The following CELSR3 variants were observed in gnomAD, a reference collection of about 807,000 sequenced individuals.
The protein encoded by CELSR3 is EGF-like protein 1.
In CELSR3, 73 loss-of-function variants were observed where a neutral mutation model predicts 270.0. The observed-to-expected ratio is 0.27, with a 90% confidence interval of 0.22 to 0.33. The LOEUF (loss-of-function observed/expected upper bound fraction) is 0.33, where lower values mean the gene tolerates loss of function less well. CELSR3 is among the 10% of genes least tolerant of loss of function. The pLI, the probability that CELSR3 is intolerant of heterozygous loss-of-function variation, is 1.00. For missense variants in CELSR3, 3,614 were observed against 4,533.8 expected (o/e 0.80, Z 5.83); for synonymous variants, 1,780 against 1,905.4 (o/e 0.93, Z 1.71).
At position 48,639,553 on chromosome 3, in the gene CELSR3, T is replaced by C. The variant is rs2047002744; in HGVS notation, c.9911+121A>G. The C allele has an allele frequency of 7.4e-7, 1 of 1,355,838 alleles. No homozygotes were observed. Among genetic ancestry groups the C allele is most frequent in the Non-Finnish European group, 1.0e-6 (1 of 989,856 alleles). 84.0% of individuals were successfully genotyped at this position (1,355,838 alleles called of 1,614,324 possible). ...TGTGGCCCTCTGGCTGTGCTGAGCC[T>C]GGGGTAGCCCACACCTGTCTGCCAG... On this transcript the variant is annotated intron_variant, in intron 34 of 34. Transcript: ENST00000164024. This position sits in a 1 kb window ranked among gnomAD's most constrained non-coding sequence, Gnocchi z 4.1.
rs547947816 is a variant in CELSR3, at chr3:48,662,565, G to A, written c.70C>T (p.Leu24Phe). 4.4e-6 allele frequency: 7 copies of A among 1,574,156 alleles called. No homozygotes were observed. The highest frequency in any genetic ancestry group is 2.2e-5 in the East Asian group (1 of 44,484). ...RSTPILLLLL[L>F]SLFPLSQEEL... The stretch of plus-strand genomic sequence containing the variant: ...TCCTGGCTGAGGGGGAACAAAGAGA[G>A]GAGAAGGAGCAGGAGTATGGGGGTC... The change falls in exon 1 of 35, where the codon CTC becomes TTC. Residue 24 changes from leucine (L) to phenylalanine (F), a missense_variant. By Grantham distance (22) the Leu-to-Phe change is conservative. This residue lies in a region of CELSR3 where 470 missense variants were observed against 469.7 expected (regional missense o/e 1.00). Transcript: ENST00000164024. This position sits in a 1 kb window ranked among gnomAD's most constrained non-coding sequence, Gnocchi z 7.1.
rs1559477017 is a variant in CELSR3 at position 48,645,198 on chromosome 3, A to G, written c.7809T>C (p.Thr2603=). Residue 2603 remains threonine (T), a synonymous_variant, in exon 25 of 35, where the codon ACT becomes ACC. Coordinates refer to ENST00000164024, the MANE Select transcript of CELSR3 (RefSeq NM_001407.3). This position sits in a 1 kb window ranked among gnomAD's most constrained non-coding sequence, Gnocchi z 5.4. The part of the protein sequence containing the change: ...IHRTHNQLVC[T]AVAILLHYFF... ...AGTAGTGCAGGAGGATGGCGACTGC[A>G]GTGCACACCAGCTGAGGGCAGGGGG... 1 of 1,575,042 alleles carries G rather than the reference A, an allele frequency of 6.3e-7. No individual in the cohort carries two copies. Among genetic ancestry groups the G allele is most frequent in the East Asian group, 2.3e-5 (1 of 44,124 alleles).
chr3:48,661,651 G>A lies in CELSR3; in HGVS notation c.984C>T (p.Tyr328=). ...AANRHPQFPQ[Y]NYQTLVPENE... ...TCTCCGGCACCAGCGTCTGGTAGTT[G>A]TACTGCGGAAACTGCGGGTGGCGGT... The change falls in exon 1 of 35, where the codon TAC becomes TAT. Residue 328 remains tyrosine, a synonymous_variant. Transcript: ENST00000164024. 1 of 1,593,284 alleles carries A rather than the reference G, an allele frequency of 6.3e-7. No individual in the cohort carries two copies. Among genetic ancestry groups the A allele is most frequent in the South Asian group, 1.1e-5 (1 of 89,150 alleles).
In CELSR3 at chr3:48,648,005, G is replaced by A. The variant is rs758559021; in HGVS notation, c.6974-9C>T. On this transcript the variant is annotated splice_polypyrimidine_tract_variant and intron_variant, in intron 19 of 34. Transcript: ENST00000164024. ...GCGGTCAATGCTGAGCACTACCCAG[G>A]AGAAAGAAAGGGGAGGCCCATCATG... is the stretch of plus-strand genomic sequence containing the variant. 10 of 1,611,424 alleles carry A rather than the reference G, an allele frequency of 6.2e-6. No individual in the cohort carries two copies. Among genetic ancestry groups the A allele is most frequent in the Middle Eastern group, 1.7e-4 (1 of 6,020 alleles).
rs1264928878 is a variant in CELSR3, at chr3:48,642,369, T to C, written c.8654A>G (p.His2885Arg). ...GGCCCCAACTCCACCAGCATCTCGA[T>C]GGAACATGGCCACGTCCAGGTCAGT... Reference protein sequence around the residue: ...GPTDLDVAMFHRDAGADSDSD... With the variant: ...GPTDLDVAMFRRDAGADSDSD... The change falls in exon 31 of 35, where the codon CAT (histidine) becomes CGT (arginine). Residue 2885 changes from histidine (H) to arginine (R), a missense_variant. By Grantham distance (29) the His-to-Arg change is conservative. Transcript: ENST00000164024. This position sits in a 1 kb window ranked among gnomAD's most constrained non-coding sequence, Gnocchi z 6.1. 2 of 1,612,564 alleles carry C rather than the reference T, an allele frequency of 1.2e-6. No individual in the cohort carries two copies. The highest frequency in any genetic ancestry group is 3.3e-5 in the Admixed American group (2 of 59,902).
rs1237086710 is a variant in CELSR3, at chr3:48,640,969, C to G, written c.9025+355G>C. 1.9e-5 allele frequency: 7 copies of G among 364,094 alleles called. No individual in the cohort carries two copies. Among genetic ancestry groups the G allele is most frequent in the Non-Finnish European group, 3.5e-5 (7 of 201,352 alleles). The allele number at this position is 364,094 out of a possible 1,614,324, so 22.6% of individuals were successfully genotyped here. A position where few individuals can be genotyped will look rare whatever the true frequency, so the allele number is the denominator to read the frequency against. ...GGGCAGAAACCTCTTCTCCGGGTCC[C>G]CATAAAAGCAGAGTAGGGGGCAGAA... On this transcript the variant is annotated intron_variant, in intron 33 of 34. Coordinates refer to ENST00000164024, the MANE Select transcript of CELSR3 (RefSeq NM_001407.3). The surrounding 1 kb of genome is among the most constrained non-coding windows in gnomAD (Gnocchi z 7.5).
Position 48,659,386 on chromosome 3 carries a change from G to A in CELSR3, c.3249C>T (p.Gly1083=). The change falls in exon 1 of 35, where the codon GGC becomes GGT. Residue 1083 remains glycine (G), a synonymous_variant. Transcript: ENST00000164024. The surrounding 1 kb of genome is among the most constrained non-coding windows in gnomAD (Gnocchi z 8.1). Reference sequence around the variant, plus strand: ...CTGCAGTGATCTGGGCCACCACTGAGCCCACAATGCTATTCTCTTTCACCC... The same window carrying A: ...CTGCAGTGATCTGGGCCACCACTGAACCCACAATGCTATTCTCTTTCACCC... ...EVRVKENSIV[G]SVVAQITAVD... 1 of 1,614,158 alleles carries A rather than the reference G, an allele frequency of 6.2e-7. No individual in the cohort carries two copies. The highest frequency in any genetic ancestry group is 8.5e-7 in the Non-Finnish European group (1 of 1,180,034).
intron 27 of CELSR3, 172 bp from the exon 28 acceptor site, chr3:48,643,849 G>A (rs1034517596): frequency 1.4e-5 from 10 of 723,536 alleles, no homozygotes; most frequent in Non-Finnish European, 2.2e-5. Context: ...GTCCCACAAA[G>A]AAACAGGAGA....
rs754727856 is a variant in CELSR3 at position 48,660,526 on chromosome 3, G to T, written c.2109C>A (p.Ser703Arg). 2 of 1,614,122 alleles carry T rather than the reference G, an allele frequency of 1.2e-6. No homozygotes were observed. Among genetic ancestry groups the T allele is most frequent in the East Asian group, 4.5e-5 (2 of 44,878 alleles). Residue 703 changes from serine (S) to arginine (R), a missense_variant, in exon 1 of 35, where the codon AGC (serine) becomes AGA (arginine). Ser to Arg is a moderately radical substitution (Grantham distance 110). Coordinates refer to ENST00000164024, the MANE Select transcript of CELSR3 (RefSeq NM_001407.3). The surrounding 1 kb of genome is among the most constrained non-coding windows in gnomAD (Gnocchi z 5.5). ...VAPDTPFVIN[S>R]ATGWVSVSGP... Reference sequence around the variant, plus strand: ...CACTCACAGAGACCCAGCCAGTGGCGCTGTTTATCACAAAAGGAGTATCAG... The same window carrying T: ...CACTCACAGAGACCCAGCCAGTGGCTCTGTTTATCACAAAAGGAGTATCAG...
At position 48,661,537 on chromosome 3, in the gene CELSR3, T is replaced by C. The variant is rs1475007373; in HGVS notation, c.1098A>G (p.Ala366=). The C allele has an allele frequency of 3.7e-6, 6 of 1,606,532 alleles. No homozygotes were observed. In the East Asian group the frequency reaches 8.9e-5, roughly 24 times the overall value. Residue 366 remains alanine (A), a synonymous_variant, in exon 1 of 35, where the codon GCA becomes GCG. Coordinates refer to ENST00000164024, the MANE Select transcript of CELSR3 (RefSeq NM_001407.3). ...EAGRLVYSLA[A]LMNSRSLELF... ...GCTCCAGCGAGCGGCTGTTCATGAG[T>C]GCCGCCAGCGAGTAGACTAGGCGCC...
At chr3:48,656,590 A>AT in intron 2 of CELSR3, 108 bp downstream of exon 2, 1 of 1,369,326 alleles carries the variant, frequency 7.3e-7, no homozygotes, top group Non-Finnish European at 9.6e-7. Flanking sequence ...AAGCGCGTCC[A>AT]TACCAGGCCG....
chr3:48,644,883 C>G lies in CELSR3; in HGVS notation c.7973-55G>C. ...TGTGTGTTCCAGAGCTGCTGACCAGCCCATGTATGGGAGAAAGCATGGGTG... is the reference window on the plus strand; with the variant it reads ...TGTGTGTTCCAGAGCTGCTGACCAGGCCATGTATGGGAGAAAGCATGGGTG... On this transcript the variant is annotated intron_variant, in intron 25 of 34. Coordinates refer to ENST00000164024, the MANE Select transcript of CELSR3 (RefSeq NM_001407.3). The surrounding 1 kb of genome is among the most constrained non-coding windows in gnomAD (Gnocchi z 4.8). 6.4e-7 allele frequency: 1 copy of G among 1,553,624 alleles called. No individual in the cohort carries two copies. Among genetic ancestry groups the G allele is most frequent in the Non-Finnish European group, 8.8e-7 (1 of 1,131,412 alleles).
rs536404660 is a variant in CELSR3, at chr3:48,654,129, C to T, written c.5153-126G>A. On this transcript the variant is annotated intron_variant, in intron 7 of 34. Transcript: ENST00000164024. This position sits in a 1 kb window ranked among gnomAD's most constrained non-coding sequence, Gnocchi z 5.4. ...CTCAGCCCCATTTCCCATTTTCTTT[C>T]GATGAGTGGGGTTGGTAAGAGTCAG... is the stretch of plus-strand genomic sequence containing the variant. 1.2e-5 allele frequency: 18 copies of T among 1,501,442 alleles called. No homozygotes were observed. The highest frequency in any genetic ancestry group is 8.8e-5 in the South Asian group (7 of 79,268). 93.0% of individuals were successfully genotyped at this position (1,501,442 alleles called of 1,614,324 possible).
Position 48,644,009 on chromosome 3 carries a change from G to A in CELSR3, c.8165+207C>T, listed in dbSNP as rs2047054831. 1.7e-6 allele frequency: 1 copy of A among 595,582 alleles called. No homozygotes were observed. Among genetic ancestry groups the A allele is most frequent in the Admixed American group, 3.0e-5 (1 of 33,052 alleles). 36.9% of individuals were successfully genotyped at this position (595,582 alleles called of 1,614,324 possible). ...GACTCTGGGGGGACCCAGAGGACAA[G>A]GAGAGACAGCAGGGCAGAAGCACAT... On this transcript the variant is annotated intron_variant, in intron 27 of 34. Coordinates refer to ENST00000164024, the MANE Select transcript of CELSR3 (RefSeq NM_001407.3). The surrounding 1 kb of genome is among the most constrained non-coding windows in gnomAD (Gnocchi z 4.8).
Position 48,661,119 on chromosome 3 carries a change from T to A in CELSR3, c.1516A>T (p.Met506Leu), listed in dbSNP as rs753318004. ...STSGRVDREH[M>L]ESYELVVEAS... ...TCCACCACCAGCTCATAGCTTTCCA[T>A]GTGCTCGCGGTCCACTCGGCCGCTG... Residue 506 changes from methionine to leucine, a missense_variant, in exon 1 of 35, where the codon ATG (methionine) becomes TTG (leucine). Transcript: ENST00000164024. The A allele has an allele frequency of 1.2e-6, 2 of 1,611,528 alleles. No homozygotes were observed.
In CELSR3 at chr3:48,657,899, C is replaced by T. The variant is rs961142211; in HGVS notation, c.3749-551G>A. ...TCCATGACACTAGAAGGGGCCCTGG[C>T]CCAGTGAAGACTCAATGCCATCCTC... On this transcript the variant is annotated intron_variant, in intron 1 of 34. Transcript: ENST00000164024. This position sits in a 1 kb window ranked among gnomAD's most constrained non-coding sequence, Gnocchi z 5.4. Among the ~76,000 whole-genome samples the T allele has an allele frequency of 6.6e-6, 1 of 152,196 alleles. No individual in the cohort carries two copies. Among genetic ancestry groups the T allele is most frequent in the Non-Finnish European group, 1.5e-5 (1 of 68,032 alleles).
At chr3:48,643,189 T>C (rs1298108838) in intron 28 of CELSR3, 106 bp from the exon 29 acceptor site, 1 of 772,926 alleles carries the variant, frequency 1.3e-6, no homozygotes, top group African/African-American at 1.7e-5. Flanking sequence ...CTAGTGTGGG[T>C]CAGTGAGGAG....
Position 48,641,286 on chromosome 3 carries a change from G to C in CELSR3, c.9025+38C>G. 7.4e-7 allele frequency: 1 copy of C among 1,343,974 alleles called. No homozygotes were observed. Among genetic ancestry groups the C allele is most frequent in the Non-Finnish European group, 1.1e-6 (1 of 938,120 alleles). 83.3% of individuals were successfully genotyped at this position (1,343,974 alleles called of 1,614,324 possible). ...TGGCTCAGGGCATGAGCAGCCCCCA[G>C]CGTGTCTGCGGTGTGGGCCAGGGCT... On this transcript the variant is annotated intron_variant, in intron 33 of 34. Coordinates refer to ENST00000164024, the MANE Select transcript of CELSR3 (RefSeq NM_001407.3). The surrounding 1 kb of genome is among the most constrained non-coding windows in gnomAD (Gnocchi z 4.8).
At chr3:48,656,592 AC>A in intron 2 of CELSR3, 105 bp downstream of exon 2, 1 of 1,371,024 alleles carries the variant, frequency 7.3e-7, no homozygotes, top group Non-Finnish European at 9.5e-7. Context: ...GCGCGTCCAT[AC>A]CAGGCCGTGG....
Sources: allele counts gnomAD v4.1 joint callset (sites outside exome capture counted in the v4.1 genomes callset), GRCh38; gene constraint gnomAD v4.1.1; regional missense constraint gnomAD v4.1.1; non-coding constraint Gnocchi (gnomAD v3.1); transcripts MANE v1.5; gene names NCBI Gene and HGNC (gene_info 2026-07-23, HGNC 2026-07-21).